GPR39: variants seen among roughly 807,000 people sequenced by gnomAD.
GPR39 encodes G protein-coupled receptor 39.
In GPR39, 23 loss-of-function variants were observed where a neutral mutation model predicts 18.4. The ratio of observed to expected loss-of-function variants is 1.25; its 90% CI spans 0.90 to 1.77. The LOEUF is 1.77. Among genes scored for constraint, GPR39 ranks in the 40% most tolerant of loss-of-function variants. GPR39 has a pLI of 0.00. For missense variants in GPR39, 647 were observed against 602.4 expected (o/e 1.07, Z -0.78); for synonymous variants, 280 against 257.9 (o/e 1.09, Z -0.82).
intron 1 of GPR39, among the ~76,000 whole-genome samples, chr2:132,470,673 A>G (rs1340668232): frequency 6.7e-6 from 1 of 148,656 alleles, no homozygotes; most frequent in African/African-American, 2.5e-5. Flanking sequence ...GTATAGATCC[A>G]GTTGTACAAA....
intron 1 of GPR39, among the ~76,000 whole-genome samples, chr2:132,513,634 G>T (rs559102225): frequency 6.6e-6 from 1 of 152,344 alleles, no homozygotes; most frequent in African/African-American, 2.4e-5. Flanking sequence ...CTTCTCCCTG[G>T]ATGGTTGGGA....
intron 1 of GPR39, among the ~76,000 whole-genome samples, chr2:132,596,807 G>A: frequency 6.6e-6 from 1 of 152,162 alleles, no homozygotes; most frequent in East Asian, 1.9e-4. Flanking sequence ...CAGGATCTCT[G>A]GGAATGGAAC....
chr2:132,607,652 A>G (rs549393791), intron 1 of GPR39, among the ~76,000 whole-genome samples: 1 of 152,338 alleles, frequency 6.6e-6, no homozygotes, highest in East Asian at 1.9e-4. Context: ...AACAGCTGTG[A>G]GAAAAACTCC....
chr2:132,437,616 T>G (rs1288793799), intron 1 of GPR39, among the ~76,000 whole-genome samples: 1 of 152,214 alleles, frequency 6.6e-6, no homozygotes, highest in Non-Finnish European at 1.5e-5. Flanking sequence ...GGGTCTTCTC[T>G]GCCAGCCTCC....
At chr2:132,607,015 A>G (rs899202233) in intron 1 of GPR39, among the ~76,000 whole-genome samples, 1 of 152,186 alleles carries the variant, frequency 6.6e-6, no homozygotes, top group Non-Finnish European at 1.5e-5. Context: ...TGATCTTGAT[A>G]TATATTTTCC....
At chr2:132,502,487 C>T (rs541903128) in intron 1 of GPR39, among the ~76,000 whole-genome samples, 2 of 152,150 alleles carry the variant, frequency 1.3e-5, no homozygotes, top group Non-Finnish European at 1.5e-5. Flanking sequence ...GCTTTTGCCT[C>T]ACAGCTCTTA....
chr2:132,421,836 G>GAGAGGGT (rs1553446436), intron 1 of GPR39, among the ~76,000 whole-genome samples: 1 of 151,972 alleles, frequency 6.6e-6, no homozygotes, highest in African/African-American at 2.4e-5. Context: ...AGAGAGAGAA[G>GAGAGGGT]AGAGGGTAGA....
chr2:132,566,086 T>G (rs1277968326), intron 1 of GPR39, among the ~76,000 whole-genome samples: 14 of 139,438 alleles, frequency 1.0e-4, no homozygotes, highest in African/African-American at 3.5e-4. Context: ...TTTTAATGAT[T>G]GCCATTCTAA....
chr2:132,586,958 T>A (rs1344538803), intron 1 of GPR39, among the ~76,000 whole-genome samples: 2 of 152,238 alleles, frequency 1.3e-5, no homozygotes, highest in East Asian at 3.8e-4. Context: ...TGGGCTGCAA[T>A]GGAAAGTAGG....
intron 1 of GPR39, among the ~76,000 whole-genome samples, chr2:132,494,041 G>A (rs1681589969): frequency 6.6e-6 from 1 of 152,124 alleles, no homozygotes; most frequent in Non-Finnish European, 1.5e-5. Flanking sequence ...AGGGAGGAGA[G>A]CAGAAGGCAG....
intron 1 of GPR39, among the ~76,000 whole-genome samples, chr2:132,493,007 T>C (rs1380841695): frequency 7.0e-6 from 1 of 142,238 alleles, no homozygotes; most frequent in African/African-American, 2.6e-5. Context: ...ATACCATATA[T>C]ACACTATATA....
At chr2:132,492,259 C>CAT (rs1228299522) in intron 1 of GPR39, among the ~76,000 whole-genome samples, 1 of 129,094 alleles carries the variant, frequency 7.7e-6, no homozygotes, top group African/African-American at 3.0e-5. Flanking sequence ...ATATATACAC[C>CAT]ATATATATAC....
chr2:132,561,181 G>A (rs1680246793), intron 1 of GPR39, among the ~76,000 whole-genome samples: 1 of 151,972 alleles, frequency 6.6e-6, no homozygotes, highest in African/African-American at 2.4e-5. Context: ...GACTCACAAA[G>A]TACTGGAATT....
chr2:132,634,390 C>T (rs1159338905), intron 1 of GPR39, among the ~76,000 whole-genome samples: 2 of 152,124 alleles, frequency 1.3e-5, no homozygotes, highest in Non-Finnish European at 2.9e-5. Context: ...CTGGGTGGAA[C>T]TGTTCCAGTC....
intron 1 of GPR39, among the ~76,000 whole-genome samples, chr2:132,493,284 A>G (rs1203026269): frequency 6.8e-6 from 1 of 146,738 alleles, no homozygotes; most frequent in Non-Finnish European, 1.5e-5. Flanking sequence ...TATACCATAT[A>G]TACCATATAT....
intron 1 of GPR39, among the ~76,000 whole-genome samples, chr2:132,466,309 A>AT (rs1448123759): frequency 2.0e-5 from 3 of 152,280 alleles, no homozygotes; most frequent in Admixed American, 6.5e-5. Flanking sequence ...CAGAGTCGCT[A>AT]TCACAACATT....
intron 1 of GPR39, among the ~76,000 whole-genome samples, chr2:132,533,543 T>A (rs1163295234): frequency 6.6e-6 from 1 of 150,676 alleles, no homozygotes; most frequent in African/African-American, 2.4e-5. Flanking sequence ...GCCAAGTCAA[T>A]CCTAAGCGAA....
rs1041924009 is a variant in GPR39 at position 132,492,925 on chromosome 2, A to G, written c.856+75027A>G. On this transcript the variant is annotated intron_variant, in intron 1 of 1. Transcript: ENST00000329321. ...TATATATACACCATATACCATATAT[A>G]TACACCATATATACACACCATATAT... Among the ~76,000 whole-genome samples the G allele has an allele frequency of 6.2e-5, 9 of 144,336 alleles. No homozygotes were observed. In the East Asian group the frequency reaches 8.4e-4, roughly 13 times the overall value. 94.7% of individuals were successfully genotyped at this position (144,336 alleles called of 152,430 possible).
intron 1 of GPR39, among the ~76,000 whole-genome samples, chr2:132,629,804 G>T (rs1377322993): frequency 6.6e-6 from 1 of 152,200 alleles, no homozygotes; most frequent in Non-Finnish European, 1.5e-5. Context: ...CTGGAGGAGG[G>T]TGTGGGATTG....
Sources: gnomAD v4.1 joint callset for allele counts (sites outside exome capture counted in the v4.1 genomes callset) on GRCh38, gnomAD v4.1.1 for gene constraint, MANE v1.5 for transcripts, NCBI Gene and HGNC (gene_info 2026-07-23, HGNC 2026-07-21) for gene names.